The following SPATA13 variants were observed in gnomAD, a reference collection of about 807,000 sequenced individuals.
The protein encoded by SPATA13 is spermatogenesis-associated protein 13.
In SPATA13, 50 loss-of-function variants were observed where a neutral mutation model predicts 104.0. The ratio of observed to expected loss-of-function variants is 0.48; its 90% CI spans 0.38 to 0.61. The LOEUF is 0.61. SPATA13 is among the 20% of genes least tolerant of loss of function. The pLI is 0.00. For missense variants in SPATA13, 1,524 were observed against 1,690.6 expected (o/e 0.90, Z 1.73); for synonymous variants, 606 against 667.5 (o/e 0.91, Z 1.42).
At chr13:24,300,672 T>C (rs1046963424) in intron 12 of SPATA13, 197 bp downstream of exon 12, 1 of 581,380 alleles carries the variant, frequency 1.7e-6, no homozygotes, top group African/African-American at 1.9e-5. Context: ...AGTGTTTGCT[T>C]CCATTGGAAT....
In SPATA13 at chr13:24,302,952, G is replaced by A. The variant is rs1877316036; in HGVS notation, c.*179G>A. 1.3e-6 allele frequency: 1 copy of A among 741,784 alleles called. No individual in the cohort carries two copies. Among genetic ancestry groups the A allele is most frequent in the Admixed American group, 2.5e-5 (1 of 39,738 alleles). 46.0% of individuals were successfully genotyped at this position (741,784 alleles called of 1,614,324 possible). A position where few individuals can be genotyped will look rare whatever the true frequency, so the allele number is the denominator to read the frequency against. The stretch of plus-strand genomic sequence containing the variant: ...AGTCTTTGGAGACCCAGCTGCCTTT[G>A]TGGAAGGGAGGAGACGGTCATGACA... On this transcript the variant is annotated 3_prime_UTR_variant, in exon 13 of 13. Coordinates refer to ENST00000382108, the MANE Select transcript of SPATA13 (RefSeq NM_001166271.3).
At chr13:24,111,481 C>T (rs547505099) in intron 3 of SPATA13, among the ~76,000 whole-genome samples, 2 of 151,548 alleles carry the variant, frequency 1.3e-5, no homozygotes, top group South Asian at 2.1e-4. Flanking sequence ...AATCACGGCT[C>T]ACTGCAGCCT....
At chr13:24,138,601 A>G (rs892816430) in intron 3 of SPATA13, among the ~76,000 whole-genome samples, 2 of 152,032 alleles carry the variant, frequency 1.3e-5, no homozygotes, top group Non-Finnish European at 2.9e-5. Context: ...AATTTATTTT[A>G]GAGATGGATT....
chr13:24,104,639 T>C (rs905975632), intron 3 of SPATA13, among the ~76,000 whole-genome samples: 6 of 152,194 alleles, frequency 3.9e-5, no homozygotes, highest in African/African-American at 1.4e-4. Flanking sequence ...GCAAATAAAG[T>C]ATTAGGGGAA....
chr13:24,209,459 GAGGAC>G (rs1182940821), intron 1 of SPATA13, among the ~76,000 whole-genome samples: 1 of 152,200 alleles, frequency 6.6e-6, no homozygotes, highest in Non-Finnish European at 1.5e-5. Flanking sequence ...GAGGAGGTGA[GAGGAC>G]AGCACTGTTC....
chr13:24,238,076 G>A (rs935383883), intron 2 of SPATA13, among the ~76,000 whole-genome samples: 5 of 145,458 alleles, frequency 3.4e-5, no homozygotes, highest in Non-Finnish European at 6.0e-5. Context: ...TCAAATGCTG[G>A]TATCATGGTT....
chr13:24,041,592 A>G (rs755185437), intron 3 of SPATA13, among the ~76,000 whole-genome samples: 31 of 152,362 alleles, frequency 2.0e-4, no homozygotes, highest in South Asian at 1.2e-3. Flanking sequence ...TGTGTCAGGA[A>G]CCATGGTGAT....
intron 2 of SPATA13, among the ~76,000 whole-genome samples, chr13:24,004,862 C>A (rs552097031): frequency 6.6e-6 from 1 of 152,268 alleles, no homozygotes; most frequent in African/African-American, 2.4e-5. Flanking sequence ...AAACCACAAA[C>A]CCTTCCCATT....
Position 24,020,995 on chromosome 13 carries a change from C to A in SPATA13, c.-112+3294C>A, listed in dbSNP as rs140468643. On this transcript the variant is annotated intron_variant, in intron 3 of 14. Transcript: ENST00000424834. ...GGCGGTGGTTGCACAGGGCCTAGAT[C>A]GAGACACTGCACTCCAGCCTGTGTG... Among the ~76,000 whole-genome samples the A allele has an allele frequency of 1.1e-3, 165 of 152,184 alleles. 1 individual carries two copies. The highest frequency in any genetic ancestry group is 3.3e-3 in the African/African-American group (138 of 41,520).
chr13:24,001,888 AGGCTGGAGTGT>A (rs1165820401), intron 2 of SPATA13, among the ~76,000 whole-genome samples: 2 of 151,756 alleles, frequency 1.3e-5, no homozygotes, highest in Admixed American at 6.6e-5. Flanking sequence ...TCAGAAGATG[AGGCTGGAGTGT>A]GGCTGTGGGA....
intron 3 of SPATA13, among the ~76,000 whole-genome samples, chr13:24,113,329 G>A (rs778629477): frequency 2.0e-5 from 3 of 152,220 alleles, no homozygotes; most frequent in Non-Finnish European, 4.4e-5. Context: ...GGGACCAGGT[G>A]CAGTGGCTCA....
At chr13:23,984,007 T>C in intron 2 of SPATA13, 8 of 961,726 alleles carry the variant, frequency 8.3e-6, no homozygotes, top group Non-Finnish European at 9.9e-6. Context: ...GGCAGAGTAT[T>C]TCAGGCTGTT....
intron 1 of SPATA13, among the ~76,000 whole-genome samples, chr13:24,163,704 G>A (rs1380619816): frequency 1.1e-4 from 16 of 152,148 alleles, no homozygotes; most frequent in Admixed American, 7.9e-4. Context: ...TGAGGAAACC[G>A]TGGTCCAGGG....
chr13:24,080,425 C>CCAT (rs1879473003), intron 3 of SPATA13, among the ~76,000 whole-genome samples: 2 of 152,178 alleles, frequency 1.3e-5, no homozygotes, highest in South Asian at 4.1e-4. Flanking sequence ...CACCTTGACA[C>CCAT]CATCACATGC....
intron 3 of SPATA13, among the ~76,000 whole-genome samples, chr13:24,073,664 T>C (rs1879237868): frequency 6.6e-6 from 1 of 152,252 alleles, no homozygotes; most frequent in African/African-American, 2.4e-5. Flanking sequence ...ATCAGGCCTT[T>C]ACTGCAGCAT....
chr13:24,122,192 A>T (rs1881051135), intron 3 of SPATA13: 1 of 1,503,328 alleles, frequency 6.7e-7, no homozygotes, highest in Non-Finnish European at 9.3e-7. Context: ...ATCAGCCAGC[A>T]TTGCTATATA....
chr13:24,261,614 A>G (rs1366979659), intron 4 of SPATA13, among the ~76,000 whole-genome samples: 2 of 152,184 alleles, frequency 1.3e-5, no homozygotes, highest in Non-Finnish European at 2.9e-5. Flanking sequence ...AAATTCACAA[A>G]GAAAATAGAA....
intron 2 of SPATA13, among the ~76,000 whole-genome samples, chr13:24,016,215 T>C (rs920378095): frequency 5.9e-5 from 9 of 151,876 alleles, no homozygotes; most frequent in Non-Finnish European, 1.0e-4. Context: ...CTGTGAGGGG[T>C]GGAGGCCAGT....
At chr13:23,985,388 G>A (rs937831913) in intron 2 of SPATA13, among the ~76,000 whole-genome samples, 2 of 152,230 alleles carry the variant, frequency 1.3e-5, no homozygotes, top group Non-Finnish European at 1.5e-5. Flanking sequence ...CTGATGTGGG[G>A]GCTCAGTGGC....
Sources: gnomAD v4.1 joint callset for allele counts (sites outside exome capture counted in the v4.1 genomes callset) on GRCh38, gnomAD v4.1.1 for gene constraint, MANE v1.5 for transcripts, NCBI Gene and HGNC (gene_info 2026-07-23, HGNC 2026-07-21) for gene names.